KIF21A: variants seen among roughly 807,000 people sequenced by gnomAD.
KIF21A encodes the protein kinesin-like protein KIF21A.
KIF21A carries 114 observed loss-of-function variants against 202.9 expected under a neutral mutation model. The observed-to-expected ratio is 0.56, with a 90% CI of 0.48 to 0.66. KIF21A has a LOEUF of 0.66. Ranked by LOEUF, KIF21A falls within the 30% of genes least tolerant of loss-of-function variation. The probability of loss-of-function intolerance (pLI) is 0.00; values close to 1 mark genes in which losing one functional copy is unlikely to be tolerated. For synonymous variants in KIF21A, 667 were observed against 670.8 expected (o/e 0.99, Z 0.09); for missense variants, 1,677 against 1,994.9 (o/e 0.84, Z 3.04).
chr12:39,425,969 C>T (rs974740274), intron 1 of KIF21A, among the ~76,000 whole-genome samples: 6 of 144,468 alleles, frequency 4.2e-5, no homozygotes, highest in African/African-American at 1.5e-4. Context: ...CTGTCAAGGA[C>T]ATCTAGAAAT....
In KIF21A at chr12:39,346,523, C is replaced by T; in HGVS notation, c.1674-19G>A. On this transcript the variant is annotated intron_variant, in intron 11 of 37. Transcript: ENST00000361418. ...CTGTAGCCTTCAAAATCACGAGGCACAGTATTGGAAGGCCAAGCCAATGAA... is the reference window on the plus strand; with the variant it reads ...CTGTAGCCTTCAAAATCACGAGGCATAGTATTGGAAGGCCAAGCCAATGAA... 6.8e-7 allele frequency: 1 copy of T among 1,468,734 alleles called. No individual in the cohort carries two copies. Among genetic ancestry groups the T allele is most frequent in the Non-Finnish European group, 9.0e-7 (1 of 1,112,122 alleles). 91.0% of individuals were successfully genotyped at this position (1,468,734 alleles called of 1,614,324 possible). A position where few individuals can be genotyped will look rare whatever the true frequency, so the allele number is the denominator to read the frequency against.
intron 8 of KIF21A, 114 bp downstream of exon 8, chr12:39,358,064 A>G (rs1268431226): frequency 2.2e-6 from 2 of 894,814 alleles, no homozygotes; most frequent in African/African-American, 3.3e-5. Flanking sequence ...GAAGGAGGAC[A>G]CTATTATGAC....
At chr12:39,389,085 T>TA (rs924584389) in intron 1 of KIF21A, among the ~76,000 whole-genome samples, 20 of 151,204 alleles carry the variant, frequency 1.3e-4, no homozygotes, top group Admixed American at 2.0e-4. Flanking sequence ...TTCCTCTATT[T>TA]AAAAAAAAAC....
rs1452485720 is a variant in KIF21A at position 39,423,579 on chromosome 12, G to A, written c.44+19348C>T. 5.3e-5 allele frequency among the ~76,000 whole-genome samples: 8 copies of A among 151,874 alleles called. No individual in the cohort carries two copies. In the East Asian group the frequency reaches 7.7e-4, roughly 15 times the overall value. ...AAAAAAAAAATGCAGGCTGGGCGCC[G>A]TGGCTCACGCTGTAGTCTCAGCACT... On this transcript the variant is annotated intron_variant, in intron 1 of 37. Coordinates refer to ENST00000361418, the MANE Select transcript of KIF21A (RefSeq NM_001173464.2).
chr12:39,396,509 G>A (rs918896747), intron 1 of KIF21A, among the ~76,000 whole-genome samples: 1 of 152,168 alleles, frequency 6.6e-6, no homozygotes, highest in Non-Finnish European at 1.5e-5. Flanking sequence ...TAAGCAGGAA[G>A]CATAATGTTT....
intron 1 of KIF21A, among the ~76,000 whole-genome samples, chr12:39,403,825 G>A (rs1344514480): frequency 6.6e-6 from 1 of 152,120 alleles, no homozygotes; most frequent in African/African-American, 2.4e-5. Context: ...CAGCTTAGTA[G>A]CAAAGTCTTA....
At chr12:39,340,769 G>C (rs1184462306) in intron 15 of KIF21A, 137 bp downstream of exon 15, 2 of 672,944 alleles carry the variant, frequency 3.0e-6, no homozygotes, top group Non-Finnish European at 2.5e-6. Flanking sequence ...CACAAACTTT[G>C]ACTTGCAAAA....
chr12:39,305,616 C>T lies in KIF21A; in HGVS notation c.4443-678G>A, dbSNP rs752103479. Among the ~76,000 whole-genome samples, 66 of 152,128 alleles carry T rather than the reference C, an allele frequency of 4.3e-4. 1 individual carries two copies. Among genetic ancestry groups the T allele is most frequent in the Middle Eastern group, 3.4e-3 (1 of 294 alleles). On this transcript the variant is annotated intron_variant, in intron 34 of 37. Transcript: ENST00000361418. ...AAACTAATATAATCTATGATGCAAA[C>T]GGGAGAGTCATAAATAAGTTATTCC...
intron 1 of KIF21A, among the ~76,000 whole-genome samples, chr12:39,440,825 G>T (rs1805440275): frequency 6.6e-6 from 1 of 152,010 alleles, no homozygotes; most frequent in Non-Finnish European, 1.5e-5. Context: ...ACCACTCTGG[G>T]AAACATAGGG....
chr12:39,432,900 C>T (rs750779151), intron 1 of KIF21A, among the ~76,000 whole-genome samples: 8 of 152,056 alleles, frequency 5.3e-5, no homozygotes, highest in Non-Finnish European at 1.2e-4. Flanking sequence ...CGTGAGCCAC[C>T]ACACGACGAC....
chr12:39,369,331 A>C (rs1486503635), intron 3 of KIF21A, among the ~76,000 whole-genome samples: 1 of 151,994 alleles, frequency 6.6e-6, no homozygotes, highest in Non-Finnish European at 1.5e-5. Context: ...GTGGTGGTGC[A>C]TGCCTGTAGT....
intron 1 of KIF21A, among the ~76,000 whole-genome samples, chr12:39,406,486 C>G (rs927310568): frequency 6.6e-6 from 1 of 152,182 alleles, no homozygotes; most frequent in Non-Finnish European, 1.5e-5. Flanking sequence ...AATGTCCAAT[C>G]AATGCTTACC....
chr12:39,394,483 A>G (rs1362562331), intron 1 of KIF21A, among the ~76,000 whole-genome samples: 1 of 152,212 alleles, frequency 6.6e-6, no homozygotes, highest in Non-Finnish European at 1.5e-5. Flanking sequence ...AGCACATGCT[A>G]TGTACCAGGC....
At chr12:39,343,944 G>A (rs1171840950) in intron 12 of KIF21A, among the ~76,000 whole-genome samples, 1 of 152,094 alleles carries the variant, frequency 6.6e-6, no homozygotes, top group Non-Finnish European at 1.5e-5. Context: ...GGAGCAGAAT[G>A]GTACAGTTTC....
In KIF21A at chr12:39,367,051, T is replaced by C. The variant is rs1391603485; in HGVS notation, c.714A>G (p.Arg238=). The change falls in exon 5 of 38, where the codon AGA becomes AGG. Residue 238 remains arginine, a synonymous_variant. Coordinates refer to ENST00000361418, the MANE Select transcript of KIF21A (RefSeq NM_001173464.2). ...AIFTIHVCQT[R]VCPQIDADNA... The stretch of plus-strand genomic sequence containing the variant: ...TCACAGCATCTATTTGGGGACACAC[T>C]CTGGTTTGACACACATGAATGGTAA... The C allele has an allele frequency of 6.2e-7, 1 of 1,613,710 alleles. No individual in the cohort carries two copies. The highest frequency in any genetic ancestry group is 1.3e-5 in the African/African-American group (1 of 75,026).
At chr12:39,428,003 T>C (rs907282476) in intron 1 of KIF21A, among the ~76,000 whole-genome samples, 1 of 152,202 alleles carries the variant, frequency 6.6e-6, no homozygotes, top group African/African-American at 2.4e-5. Flanking sequence ...ATGGTTCTCA[T>C]CACAAGGCAC....
intron 11 of KIF21A, among the ~76,000 whole-genome samples, chr12:39,347,246 AG>A (rs1051024614): frequency 2.0e-5 from 3 of 151,286 alleles, no homozygotes; most frequent in African/African-American, 7.3e-5. Context: ...CAAAAAAAAA[AG>A]GGGGGTGGGG....
At chr12:39,432,733 C>G (rs530243437) in intron 1 of KIF21A, among the ~76,000 whole-genome samples, 1 of 152,204 alleles carries the variant, frequency 6.6e-6, no homozygotes, top group South Asian at 2.1e-4. Context: ...CCGCCAGCCT[C>G]CCAAGTAGCT....
intron 1 of KIF21A, among the ~76,000 whole-genome samples, chr12:39,441,308 T>C (rs1183619649): frequency 2.0e-5 from 3 of 152,138 alleles, no homozygotes; most frequent in African/African-American, 7.2e-5. Context: ...CAAACTGCCT[T>C]GTGATAGTCT....
Sources: gnomAD v4.1 joint callset for allele counts (sites outside exome capture counted in the v4.1 genomes callset) on GRCh38, gnomAD v4.1.1 for gene constraint, MANE v1.5 for transcripts, NCBI Gene and HGNC (gene_info 2026-07-23, HGNC 2026-07-21) for gene names.